The following COL4A6 variants were observed in gnomAD, a reference collection of about 807,000 sequenced individuals.
The protein encoded by COL4A6 is collagen type IV alpha 6 chain, also known as collagen alpha-6(IV) chain.
In COL4A6, 59 loss-of-function variants were observed where a neutral mutation model predicts 126.7. The observed-to-expected ratio is 0.47, with a 90% CI of 0.38 to 0.58. COL4A6 has a LOEUF of 0.58. Among genes scored for constraint, COL4A6 ranks in the 20% least tolerant of loss-of-function variants. The pLI is 0.00. For missense variants in COL4A6, 1,285 were observed against 1,337.3 expected (o/e 0.96, Z 0.61); for synonymous variants, 547 against 496.6 (o/e 1.10, Z -1.35).
At position 108,280,629 on chromosome X, in the gene COL4A6, C is replaced by T. The variant is rs1775390612; in HGVS notation, c.144+30119G>A. On this transcript the variant is annotated intron_variant, in intron 3 of 44. Transcript: ENST00000334504. ...AGTCAATAGAAAAAGACGGAATCCT[C>T]CCTAACTCATTTTATGAGGCTAGCA... 8.0e-5 allele frequency among the ~76,000 whole-genome samples: 9 copies of T among 111,919 alleles called. No homozygotes were observed. The South Asian group carries it at 3.0e-3, about 38-fold the overall frequency.
chrX:108,391,586 C>A (rs2040840556), intron 2 of COL4A6, among the ~76,000 whole-genome samples: 1 of 112,283 alleles, frequency 8.9e-6, no homozygotes, highest in African/African-American at 3.2e-5. Context: ...GCAAGAATTT[C>A]AAGCCAGTGG....
intron 37 of COL4A6, among the ~76,000 whole-genome samples, chrX:108,167,268 CAAAT>C (rs778291103): frequency 3.6e-5 from 4 of 111,816 alleles, no homozygotes; most frequent in Non-Finnish European, 5.6e-5. Context: ...AATATGAAAA[CAAAT>C]AGTATCATTG....
intron 11 of COL4A6, 180 bp from the exon 12 acceptor site, chrX:108,204,592 C>T (rs774650388): frequency 6.4e-5 from 34 of 529,265 alleles, no homozygotes; most frequent in South Asian, 5.9e-4. Flanking sequence ...ATTATAAGCC[C>T]GACCAGTGAA....
In COL4A6 at chrX:108,192,489, T is replaced by C. The variant is rs768727401; in HGVS notation, c.1164A>G (p.Gly388=). The stretch of plus-strand genomic sequence containing the variant: ...TTTTTTCACCTGATAATGCTGGCAA[T>C]CCAGGGACACCAGAAGGGCCACGTA... ...QGLRGPSGVP[G]LPALSGVPGA... is the part of the protein sequence containing the mutation. The change falls in exon 18 of 45, where the codon GGA becomes GGG. Residue 388 remains glycine (G), a synonymous_variant. Coordinates refer to ENST00000334504, the MANE Select transcript of COL4A6 (RefSeq NM_033641.4). 2 of 1,207,730 alleles carry C rather than the reference T, an allele frequency of 1.7e-6. No individual in the cohort carries two copies.
In COL4A6 at chrX:108,400,966, T is replaced by C. The variant is rs149570756; in HGVS notation, c.63+36976A>G. ...AAAGTCATTCCCTATTCCACACTTA[T>C]ATGAGAATATTTCTCTATGTTCTCT... On this transcript the variant is annotated intron_variant, in intron 2 of 44. Coordinates refer to ENST00000334504, the MANE Select transcript of COL4A6 (RefSeq NM_033641.4). 8.7e-3 allele frequency among the ~76,000 whole-genome samples: 976 copies of C among 111,835 alleles called. 4 individuals carry two copies. Among genetic ancestry groups the C allele is most frequent in the Non-Finnish European group, 0.011 (602 of 52,896 alleles).
chrX:108,412,109 T>C (rs1028507164), intron 2 of COL4A6, among the ~76,000 whole-genome samples: 1 of 111,601 alleles, frequency 9.0e-6, no homozygotes, highest in African/African-American at 3.3e-5. Flanking sequence ...TAACATTGTG[T>C]TTGTTTTAAT....
At chrX:108,161,280 CAT>C (rs2033924926) in intron 42 of COL4A6, among the ~76,000 whole-genome samples, 1 of 111,852 alleles carries the variant, frequency 8.9e-6, no homozygotes, top group African/African-American at 3.3e-5. Context: ...ATCCCCCTCT[CAT>C]GTGTGTCAGA....
In COL4A6 at chrX:108,250,254, G is replaced by A. The variant is rs947371422; in HGVS notation, c.145-28880C>T. 3.6e-5 allele frequency among the ~76,000 whole-genome samples: 4 copies of A among 110,624 alleles called. No individual in the cohort carries two copies. In the Admixed American group the frequency reaches 3.8e-4, roughly 11 times the overall value. On this transcript the variant is annotated intron_variant, in intron 3 of 44. Transcript: ENST00000334504. ...TTTCTGGTGGTAGTAAAGGAGCTCT[G>A]AAAGCTGGAGGCAAAGATTAAGACC...
At chrX:108,364,203 A>G (rs1274720922) in intron 2 of COL4A6, among the ~76,000 whole-genome samples, 5 of 110,911 alleles carry the variant, frequency 4.5e-5, no homozygotes, top group Non-Finnish European at 9.4e-5. Flanking sequence ...TTCATTTCAG[A>G]GTAAATTAAA....
At chrX:108,438,775 G>A (rs1490377675), upstream of COL4A6, among the ~76,000 whole-genome samples, 1 of 112,729 alleles carries the variant, frequency 8.9e-6, no homozygotes, top group Non-Finnish European at 1.9e-5. Flanking sequence ...TTGGGAAGGG[G>A]AGACAGTTTC....
intron 6 of COL4A6, 44 bp downstream of exon 6, chrX:108,214,068 A>G: frequency 9.1e-7 from 1 of 1,100,280 alleles, no homozygotes; most frequent in Non-Finnish European, 1.3e-6. Context: ...ACGTAGAGAC[A>G]AGCAAAGCCA....
intron 32 of COL4A6, among the ~76,000 whole-genome samples, chrX:108,172,225 C>T (rs2034326835): frequency 9.1e-6 from 1 of 109,294 alleles, no homozygotes; most frequent in African/African-American, 3.3e-5. Flanking sequence ...TGGTTAATGC[C>T]TGTAATCCCA....
chrX:108,297,830 T>C (rs985848), intron 3 of COL4A6, among the ~76,000 whole-genome samples: 39,687 of 109,185 alleles, frequency 0.36, 6,682 homozygotes, highest in East Asian at 0.73. Flanking sequence ...CACAAGTTCC[T>C]TGGCTCAGGC....
intron 2 of COL4A6, among the ~76,000 whole-genome samples, chrX:108,400,318 T>A (rs1204176463): frequency 9.0e-6 from 1 of 111,279 alleles, no homozygotes; most frequent in Non-Finnish European, 1.9e-5. Flanking sequence ...ACTACAATGT[T>A]AAAAACTTTG....
intron 2 of COL4A6, among the ~76,000 whole-genome samples, chrX:108,316,220 T>C (rs990310277): frequency 1.8e-5 from 2 of 112,278 alleles, no homozygotes; most frequent in Non-Finnish European, 3.8e-5. Context: ...TGGCTGTGTA[T>C]AATTTTATTC....
At chrX:108,316,387 A>ATATT (rs1362330346) in intron 2 of COL4A6, among the ~76,000 whole-genome samples, 3 of 112,110 alleles carry the variant, frequency 2.7e-5, no homozygotes, top group African/African-American at 9.7e-5. Flanking sequence ...CAGTAAATGA[A>ATATT]TATTACATAC....
Position 108,177,028 on chromosome X carries a change from G to A in COL4A6, c.2516-17C>T, listed in dbSNP as rs1017164270. 4 of 1,199,688 alleles carry A rather than the reference G, an allele frequency of 3.3e-6. No homozygotes were observed. The highest frequency in any genetic ancestry group is 3.0e-5 in the East Asian group (1 of 33,755). On this transcript the variant is annotated splice_polypyrimidine_tract_variant and intron_variant, in intron 27 of 44. Coordinates refer to ENST00000334504, the MANE Select transcript of COL4A6 (RefSeq NM_033641.4). The stretch of plus-strand genomic sequence containing the variant: ...CAGGATGTCCTGAATAAGCACAGGA[G>A]AGAACACAGGACAGCTGTCAAGTGA...
intron 2 of COL4A6, among the ~76,000 whole-genome samples, chrX:108,324,291 G>C (rs957763868): frequency 3.6e-5 from 4 of 111,941 alleles, no homozygotes; most frequent in African/African-American, 1.3e-4. Context: ...GAAACAGATG[G>C]TGAGTTCATG....
intron 2 of COL4A6, among the ~76,000 whole-genome samples, chrX:108,361,711 T>C (rs1435543879): frequency 8.9e-6 from 1 of 111,867 alleles, no homozygotes; most frequent in Non-Finnish European, 1.9e-5. Flanking sequence ...GGCATGCCCA[T>C]AGTCATCTTA....
Sources: allele counts gnomAD v4.1 joint callset (sites outside exome capture counted in the v4.1 genomes callset), GRCh38; gene constraint gnomAD v4.1.1; transcripts MANE v1.5; gene names NCBI Gene and HGNC (gene_info 2026-07-23, HGNC 2026-07-21).